The following ERG variants were observed in gnomAD, a reference collection of about 807,000 sequenced individuals.
ERG encodes ETS transcription factor ERG.
ERG carries 9 observed loss-of-function variants against 55.3 expected under a neutral mutation model. The ratio of observed to expected loss-of-function variants is 0.16; its 90% CI spans 0.10 to 0.28. ERG has a LOEUF of 0.28. Ranked by LOEUF, ERG falls within the 10% of genes least tolerant of loss-of-function variation. The pLI is 1.00. For synonymous variants in ERG, 223 were observed against 237.3 expected (o/e 0.94, Z 0.55); for missense variants, 434 against 631.6 (o/e 0.69, Z 3.35).
chr21:38,589,318 T>C (rs2060085893), upstream of ERG, among the ~76,000 whole-genome samples: 1 of 152,178 alleles, frequency 6.6e-6, no homozygotes, highest in Non-Finnish European at 1.5e-5. Flanking sequence ...ACAGTTATGG[T>C]GAACACAGCC....
intron 2 of ERG, among the ~76,000 whole-genome samples, chr21:38,535,730 AT>A (rs1276897417): frequency 6.6e-6 from 1 of 152,100 alleles, no homozygotes; most frequent in Non-Finnish European, 1.5e-5. Context: ...TACTTCCTAG[AT>A]TTTTCAATTC....
chr21:38,584,513 C>T (rs372438242), intron 1 of ERG, among the ~76,000 whole-genome samples: 3 of 152,246 alleles, frequency 2.0e-5, no homozygotes, highest in East Asian at 3.9e-4. Flanking sequence ...TCTGGTTCCT[C>T]TGGAAAAGGG....
chr21:38,642,130 C>G lies in ERG; in HGVS notation c.-150+19528G>C, dbSNP rs930453224. Among the ~76,000 whole-genome samples, 9 of 152,296 alleles carry G rather than the reference C, an allele frequency of 5.9e-5. No individual in the cohort carries two copies. In the South Asian group the frequency reaches 1.9e-3, roughly 32 times the overall value. On this transcript the variant is annotated intron_variant, in intron 1 of 10. Coordinates refer to the ERG transcript ENST00000398910. ...GCATTAAAAATATCATTAAGCATAC[C>G]TATGAACATGGGCAGATACTTCTAA...
intron 1 of ERG, among the ~76,000 whole-genome samples, chr21:38,583,858 A>T (rs976126470): frequency 6.6e-6 from 1 of 152,222 alleles, no homozygotes; most frequent in Non-Finnish European, 1.5e-5. Context: ...ACTTGGGCTG[A>T]CACCTTGATC....
intron 2 of ERG, among the ~76,000 whole-genome samples, chr21:38,549,106 CTG>C (rs2059807536): frequency 6.6e-6 from 1 of 151,942 alleles, no homozygotes; most frequent in African/African-American, 2.4e-5. Context: ...GAGCAAGACT[CTG>C]TCTCAAAAAA....
intron 3 of ERG, among the ~76,000 whole-genome samples, chr21:38,406,306 C>A (rs1988771900): frequency 6.6e-6 from 1 of 152,156 alleles, no homozygotes; most frequent in South Asian, 2.1e-4. Context: ...CACTTGGAAA[C>A]ATGTTGTTAG....
chr21:38,536,957 C>T (rs1036946592), intron 2 of ERG, among the ~76,000 whole-genome samples: 1 of 152,010 alleles, frequency 6.6e-6, no homozygotes, highest in Admixed American at 6.6e-5. Context: ...CTAAGATATA[C>T]AGGCCAATGG....
At chr21:38,505,102 A>G (rs141784976) in intron 2 of ERG, among the ~76,000 whole-genome samples, 266 of 152,252 alleles carry the variant, frequency 1.7e-3, no homozygotes, top group Non-Finnish European at 3.2e-3. Context: ...TCATTTGATG[A>G]TTTATTTACT....
intron 1 of ERG, among the ~76,000 whole-genome samples, chr21:38,607,097 C>T (rs1181491747): frequency 6.6e-6 from 1 of 152,186 alleles, no homozygotes; most frequent in African/African-American, 2.4e-5. Context: ...CAAGATTTCT[C>T]ATCAGCAACA....
intron 2 of ERG, among the ~76,000 whole-genome samples, chr21:38,532,990 T>C (rs755371016): frequency 2.6e-5 from 4 of 152,234 alleles, no homozygotes; most frequent in Non-Finnish European, 4.4e-5. Context: ...CTTTTTCACC[T>C]CTGTGTTCCT....
At chr21:38,506,759 T>C (rs2059463994) in intron 2 of ERG, among the ~76,000 whole-genome samples, 1 of 152,122 alleles carries the variant, frequency 6.6e-6, no homozygotes. Context: ...TGGGTGACAG[T>C]TGTTTGTCTG....
intron 1 of ERG, among the ~76,000 whole-genome samples, chr21:38,462,721 T>G (rs2146599787): frequency 6.6e-6 from 1 of 152,310 alleles, no homozygotes; most frequent in East Asian, 1.9e-4. Flanking sequence ...GTTGGCATTT[T>G]TGTGCATCCT....
chr21:38,481,072 T>G (rs983522644), intron 1 of ERG, among the ~76,000 whole-genome samples: 16 of 152,166 alleles, frequency 1.1e-4, no homozygotes, highest in African/African-American at 2.9e-4. Flanking sequence ...CAGTTAAGAG[T>G]ATACTGAGCC....
At chr21:38,451,879 C>A (rs145664232) in intron 1 of ERG, among the ~76,000 whole-genome samples, 11 of 152,274 alleles carry the variant, frequency 7.2e-5, no homozygotes, top group African/African-American at 2.6e-4. Context: ...CACAAAAAAG[C>A]GAAACGTGGT....
chr21:38,522,791 G>T (rs2059604057), intron 2 of ERG, among the ~76,000 whole-genome samples: 2 of 152,148 alleles, frequency 1.3e-5, no homozygotes, highest in East Asian at 3.8e-4. Flanking sequence ...GTTTACTTCA[G>T]AATTTTTCAA....
Position 38,380,822 on chromosome 21 carries a change from T to C in ERG, c.*2581A>G. 9.4e-7 allele frequency: 1 copy of C among 1,065,040 alleles called. No individual in the cohort carries two copies. The allele number at this position is 1,065,040 out of a possible 1,614,324, so 66.0% of individuals were successfully genotyped here. A position where few individuals can be genotyped will look rare whatever the true frequency, so the allele number is the denominator to read the frequency against. On this transcript the variant is annotated 3_prime_UTR_variant, in exon 10 of 10. Coordinates refer to ENST00000288319, the MANE Select transcript of ERG (RefSeq NM_182918.4). ...TTGAATATGATAATCATGTCTTGTT[T>C]TTATGATCTTGCTCATGAGACAGTC...
rs79117536 is a variant in ERG at position 38,439,086 on chromosome 21, G to A, written c.236+6318C>T. 1.4e-4 allele frequency among the ~76,000 whole-genome samples: 21 copies of A among 152,286 alleles called. No individual in the cohort carries two copies. The East Asian group carries it at 3.9e-3, about 28-fold the overall frequency. ...TGGCCTGCAGACTGGGCTGAGGGGGGACTCACAGCATGGCACATAAATTGA... is the reference window on the plus strand; with the variant it reads ...TGGCCTGCAGACTGGGCTGAGGGGGAACTCACAGCATGGCACATAAATTGA... On this transcript the variant is annotated intron_variant, in intron 2 of 9. Coordinates refer to ENST00000288319, the MANE Select transcript of ERG (RefSeq NM_182918.4).
intron 2 of ERG, among the ~76,000 whole-genome samples, chr21:38,425,516 G>A (rs1334177009): frequency 6.6e-6 from 1 of 152,224 alleles, no homozygotes; most frequent in African/African-American, 2.4e-5. Context: ...ACACGTAGAT[G>A]GTAAACCCAG....
chr21:38,636,459 T>C (rs2060389517), intron 1 of ERG, among the ~76,000 whole-genome samples: 1 of 152,136 alleles, frequency 6.6e-6, no homozygotes, highest in Admixed American at 6.5e-5. Context: ...TATTGGGCTT[T>C]TATGCAAAAT....
Sources: gnomAD v4.1 joint callset for allele counts (sites outside exome capture counted in the v4.1 genomes callset) on GRCh38, gnomAD v4.1.1 for gene constraint, MANE v1.5 for transcripts, NCBI Gene and HGNC (gene_info 2026-07-23, HGNC 2026-07-21) for gene names.